The following TMEM132C variants were observed in gnomAD, a reference collection of about 807,000 sequenced individuals.
TMEM132C encodes transmembrane protein 132C.
Under a neutral mutation model 61.4 loss-of-function variants are expected in TMEM132C, and 29 were observed. That is an observed-to-expected ratio of 0.47 (90% CI 0.35 to 0.64). The LOEUF is 0.64. TMEM132C is among the 30% of genes least tolerant of loss of function. The pLI is 0.00. For synonymous variants in TMEM132C, 656 were observed against 633.1 expected (o/e 1.04, Z -0.54); for missense variants, 1,408 against 1,476.9 (o/e 0.95, Z 0.76).
At chr12:128,595,828 G>A (rs1318725070) in intron 3 of TMEM132C, among the ~76,000 whole-genome samples, 1 of 152,238 alleles carries the variant, frequency 6.6e-6, no homozygotes, top group Non-Finnish European at 1.5e-5. Flanking sequence ...ATGGGAAAGA[G>A]GAATCAGCCG....
At chr12:128,427,387 GGTGTGTGTGT>G (rs761620460) in intron 2 of TMEM132C, among the ~76,000 whole-genome samples, 36,623 of 132,362 alleles carry the variant, frequency 0.28, 5,589 homozygotes, top group Non-Finnish European at 0.33. Flanking sequence ...CTTCCAAAGG[GGTGTGTGTGT>G]GTGTGTGTGT....
chr12:128,373,103 A>G (rs921380746), intron 1 of TMEM132C, among the ~76,000 whole-genome samples: 1 of 152,312 alleles, frequency 6.6e-6, no homozygotes, highest in East Asian at 1.9e-4. Flanking sequence ...AGCACAAGCT[A>G]TCGGAGGAGG....
At chr12:128,549,581 G>A (rs1368764901) in intron 3 of TMEM132C, among the ~76,000 whole-genome samples, 1 of 151,966 alleles carries the variant, frequency 6.6e-6, no homozygotes, top group Non-Finnish European at 1.5e-5. Flanking sequence ...GACAATCTAC[G>A]GCCAGGAGTC....
intron 3 of TMEM132C, among the ~76,000 whole-genome samples, chr12:128,597,373 G>C (rs1426033579): frequency 6.6e-6 from 1 of 152,096 alleles, no homozygotes; most frequent in African/African-American, 2.4e-5. Flanking sequence ...AGCGACTTGG[G>C]AGCCTGAGGT....
At chr12:128,700,438 T>C (rs1954795920) in intron 8 of TMEM132C, among the ~76,000 whole-genome samples, 1 of 152,200 alleles carries the variant, frequency 6.6e-6, no homozygotes, top group Non-Finnish European at 1.5e-5. Context: ...TCAACGGTGT[T>C]CTGAGGCTTT....
chr12:128,494,262 T>C (rs1185249537), intron 2 of TMEM132C, among the ~76,000 whole-genome samples: 2 of 152,224 alleles, frequency 1.3e-5, no homozygotes, highest in African/African-American at 2.4e-5. Flanking sequence ...CAGTATTTTA[T>C]TGAGAATTTT....
At chr12:128,575,189 A>G (rs1007425239) in intron 3 of TMEM132C, among the ~76,000 whole-genome samples, 2 of 152,264 alleles carry the variant, frequency 1.3e-5, no homozygotes, top group African/African-American at 4.8e-5. Flanking sequence ...CCTTATAAAT[A>G]TAAAGAGAGG....
intron 3 of TMEM132C, among the ~76,000 whole-genome samples, chr12:128,561,001 A>G (rs556314180): frequency 2.0e-5 from 3 of 152,310 alleles, no homozygotes; most frequent in East Asian, 3.9e-4. Context: ...CTAGGAGTCA[A>G]TGATGGAGCC....
At chr12:128,525,315 C>T (rs1873045505) in intron 2 of TMEM132C, among the ~76,000 whole-genome samples, 1 of 151,116 alleles carries the variant, frequency 6.6e-6, no homozygotes, top group African/African-American at 2.4e-5. Flanking sequence ...AAATCCTTTG[C>T]ACTTCTCTCT....
At chr12:128,627,901 A>G (rs991162782) in intron 4 of TMEM132C, among the ~76,000 whole-genome samples, 1 of 152,220 alleles carries the variant, frequency 6.6e-6, no homozygotes, top group African/African-American at 2.4e-5. Context: ...CAGCAGCTGC[A>G]CCACTTGAGG....
intron 4 of TMEM132C, among the ~76,000 whole-genome samples, chr12:128,622,351 AAAAAAAAAAAT>A (rs1953970518): frequency 1.6e-5 from 1 of 64,064 alleles, no homozygotes; most frequent in African/African-American, 8.3e-5. Flanking sequence ...CTCAAAAAAA[AAAAAAAAAAAT>A]ATATATATAT....
intron 5 of TMEM132C, among the ~76,000 whole-genome samples, chr12:128,676,666 A>G (rs151161834): frequency 1.3e-5 from 2 of 152,216 alleles, no homozygotes; most frequent in African/African-American, 4.8e-5. Flanking sequence ...ATCTACATAC[A>G]TACACATACA....
intron 4 of TMEM132C, among the ~76,000 whole-genome samples, chr12:128,649,009 A>G (rs1164624727): frequency 6.6e-6 from 1 of 150,804 alleles, no homozygotes; most frequent in East Asian, 1.9e-4. Context: ...AAGTATGTTT[A>G]CTGGAGTCCA....
chr12:128,469,998 A>G (rs1291537302), intron 2 of TMEM132C, among the ~76,000 whole-genome samples: 1 of 152,164 alleles, frequency 6.6e-6, no homozygotes, highest in Non-Finnish European at 1.5e-5. Context: ...TTTATGTTAC[A>G]AACTGATGCT....
intron 5 of TMEM132C, among the ~76,000 whole-genome samples, chr12:128,690,523 A>G (rs1954712117): frequency 1.3e-5 from 2 of 152,168 alleles, no homozygotes; most frequent in Non-Finnish European, 2.9e-5. Flanking sequence ...GGGAGCAGCC[A>G]GGTTTCCTCC....
chr12:128,396,038 G>A (rs1022863023), intron 1 of TMEM132C, among the ~76,000 whole-genome samples: 5 of 152,178 alleles, frequency 3.3e-5, no homozygotes, highest in African/African-American at 9.7e-5. Flanking sequence ...TAGTAGAGTT[G>A]GTGGTACAGA....
chr12:128,443,900 C>G (rs1343785989), intron 2 of TMEM132C, among the ~76,000 whole-genome samples: 1 of 152,178 alleles, frequency 6.6e-6, no homozygotes, highest in Non-Finnish European at 1.5e-5. Flanking sequence ...CATCCCTGTT[C>G]CCCTTTCTTC....
chr12:128,510,116 A>G (rs540696516), intron 2 of TMEM132C, among the ~76,000 whole-genome samples: 31 of 152,286 alleles, frequency 2.0e-4, no homozygotes, highest in Non-Finnish European at 3.7e-4. Flanking sequence ...GTCAATCCCA[A>G]CAGGTCCAGG....
chr12:128,492,685 T>C (rs574094627), intron 2 of TMEM132C, among the ~76,000 whole-genome samples: 1 of 152,344 alleles, frequency 6.6e-6, no homozygotes, highest in South Asian at 2.1e-4. Context: ...TTTGTCCACT[T>C]TGTGATGGGG....
Sources: gnomAD v4.1 joint callset for allele counts (sites outside exome capture counted in the v4.1 genomes callset) on GRCh38, gnomAD v4.1.1 for gene constraint, MANE v1.5 for transcripts, NCBI Gene and HGNC (gene_info 2026-07-23, HGNC 2026-07-21) for gene names.